The following CHRM2 variants were observed in gnomAD, a reference collection of about 807,000 sequenced individuals.
CHRM2 encodes muscarinic acetylcholine receptor M2.
Under a neutral mutation model 25.0 loss-of-function variants are expected in CHRM2, and 8 were observed. The observed-to-expected ratio is 0.32, with a 90% CI of 0.19 to 0.58. The LOEUF (loss-of-function observed/expected upper bound fraction) is 0.58, where lower values mean the gene tolerates loss of function less well. Ranked by LOEUF, CHRM2 falls within the 20% of genes least tolerant of loss-of-function variation. The pLI, the probability that CHRM2 is intolerant of heterozygous loss-of-function variation, is 0.88. For missense variants in CHRM2, 440 were observed against 567.1 expected (o/e 0.78, Z 2.28); for synonymous variants, 202 against 205.7 (o/e 0.98, Z 0.15).
At chr7:136,955,214 T>C (rs1417549251) in intron 2 of CHRM2, among the ~76,000 whole-genome samples, 1 of 152,164 alleles carries the variant, frequency 6.6e-6, no homozygotes, top group Non-Finnish European at 1.5e-5. Context: ...TCCTGACTGC[T>C]TCCTTTACTA....
chr7:136,909,916 C>T (rs1030804992), intron 2 of CHRM2, among the ~76,000 whole-genome samples: 1 of 151,804 alleles, frequency 6.6e-6, no homozygotes, highest in African/African-American at 2.4e-5. Flanking sequence ...GTATAACAAA[C>T]AATGGGTGAA....
chr7:136,901,037 A>G (rs1434904587), intron 2 of CHRM2, among the ~76,000 whole-genome samples: 1 of 152,116 alleles, frequency 6.6e-6, no homozygotes, highest in East Asian at 1.9e-4. Flanking sequence ...ATCATAGTAC[A>G]TACACAAAAA....
At chr7:136,972,130 T>C (rs553609720) in intron 2 of CHRM2, among the ~76,000 whole-genome samples, 3 of 150,358 alleles carry the variant, frequency 2.0e-5, no homozygotes, top group African/African-American at 7.3e-5. Context: ...CAGTATGCCT[T>C]TTTTTTTTTC....
At chr7:136,875,647 C>T (rs547237482) in intron 2 of CHRM2, among the ~76,000 whole-genome samples, 1 of 152,156 alleles carries the variant, frequency 6.6e-6, no homozygotes, top group Non-Finnish European at 1.5e-5. Context: ...CAAATCTGAA[C>T]ATGTCGTTCT....
chr7:136,974,077 A>G (rs539324991), intron 2 of CHRM2, among the ~76,000 whole-genome samples: 3 of 152,280 alleles, frequency 2.0e-5, no homozygotes, highest in Middle Eastern at 3.4e-3. Context: ...GTATGTGAGA[A>G]GCAATCATAA....
intron 2 of CHRM2, among the ~76,000 whole-genome samples, chr7:136,896,055 T>C (rs542247957): frequency 1.3e-5 from 2 of 152,302 alleles, no homozygotes; most frequent in South Asian, 2.1e-4. Context: ...TTTATTTGCA[T>C]ATAATGCAAA....
At chr7:136,941,182 A>G (rs192288369) in intron 2 of CHRM2, among the ~76,000 whole-genome samples, 199 of 152,312 alleles carry the variant, frequency 1.3e-3, no homozygotes, top group African/African-American at 4.4e-3. Context: ...TACCGCTGTT[A>G]TATCAGCCTC....
At chr7:136,981,732 T>C (rs188708933) in intron 2 of CHRM2, among the ~76,000 whole-genome samples, 83 of 152,214 alleles carry the variant, frequency 5.5e-4, no homozygotes, top group Non-Finnish European at 1.1e-3. Flanking sequence ...GAGTAGGTTG[T>C]TCAGTTTCCA....
In CHRM2 at chr7:136,869,798, A is replaced by C; in HGVS notation, c.-125+380A>C. 2 of 132,568 alleles carry C rather than the reference A, an allele frequency of 1.5e-5. No individual in the cohort carries two copies. The highest frequency in any genetic ancestry group is 7.3e-5 in the Admixed American group (1 of 13,606). 8.2% of individuals were successfully genotyped at this position (132,568 alleles called of 1,614,324 possible). On this transcript the variant is annotated intron_variant, in intron 2 of 3. Transcript: ENST00000680005. The surrounding 1 kb of genome is among the most constrained non-coding windows in gnomAD (Gnocchi z 4.9). ...GTTGCTGACCCCCCTCCCGCCACCC[A>C]CTCCAGATGCAGCCATGGACAAGAC...
chr7:136,968,373 A>G (rs918359406), intron 2 of CHRM2, among the ~76,000 whole-genome samples: 3 of 151,566 alleles, frequency 2.0e-5, no homozygotes, highest in Non-Finnish European at 4.4e-5. Flanking sequence ...AATAAAAAAG[A>G]TAACAACTAC....
intron 2 of CHRM2, among the ~76,000 whole-genome samples, chr7:136,901,167 G>A (rs922407761): frequency 2.6e-5 from 4 of 152,132 alleles, no homozygotes; most frequent in Admixed American, 2.0e-4. Flanking sequence ...AAGTGGAAAC[G>A]AGTGCCCTGG....
At chr7:136,948,001 G>A (rs1477090033) in intron 2 of CHRM2, among the ~76,000 whole-genome samples, 1 of 152,140 alleles carries the variant, frequency 6.6e-6, no homozygotes, top group African/African-American at 2.4e-5. Flanking sequence ...ATGACTTCTG[G>A]TGGGGCTGGG....
intron 2 of CHRM2, among the ~76,000 whole-genome samples, chr7:136,925,893 A>G (rs73445277): frequency 0.016 from 2,497 of 152,278 alleles, 67 homozygotes; most frequent in African/African-American, 0.057. Flanking sequence ...AAGTGCCTAC[A>G]ATTATTAGAT....
intron 3 of CHRM2, among the ~76,000 whole-genome samples, chr7:137,008,082 A>T (rs1416567324): frequency 6.6e-6 from 1 of 152,130 alleles, no homozygotes; most frequent in East Asian, 1.9e-4. Flanking sequence ...CAGAAAAAAA[A>T]TATAGCTGGA....
At chr7:136,934,058 A>G (rs1799271488) in intron 2 of CHRM2, among the ~76,000 whole-genome samples, 1 of 152,182 alleles carries the variant, frequency 6.6e-6, no homozygotes, top group African/African-American at 2.4e-5. Flanking sequence ...GAAATCAATG[A>G]GTTGTAGATA....
intron 3 of CHRM2, among the ~76,000 whole-genome samples, chr7:137,013,794 A>C (rs577693675): frequency 9.1e-4 from 138 of 152,156 alleles, no homozygotes; most frequent in African/African-American, 3.2e-3. Context: ...CACCAGGCAG[A>C]GACCTTGTTT....
chr7:136,917,686 T>A (rs1798198978), intron 2 of CHRM2, among the ~76,000 whole-genome samples: 1 of 151,942 alleles, frequency 6.6e-6, no homozygotes, highest in Middle Eastern at 3.2e-3. Context: ...AATATCACCA[T>A]CTCCCCAGAA....
At chr7:136,875,255 G>A (rs1796009663) in intron 2 of CHRM2, among the ~76,000 whole-genome samples, 1 of 151,596 alleles carries the variant, frequency 6.6e-6, no homozygotes, top group Non-Finnish European at 1.5e-5. Flanking sequence ...AGAAAGAGTG[G>A]AGGTATTTGT....
intron 2 of CHRM2, among the ~76,000 whole-genome samples, chr7:136,972,031 T>A (rs1469092936): frequency 6.6e-6 from 1 of 152,210 alleles, no homozygotes; most frequent in Non-Finnish European, 1.5e-5. Context: ...TTTCACTGTC[T>A]GACTGTCTTG....
Sources: gnomAD v4.1 joint callset for allele counts (sites outside exome capture counted in the v4.1 genomes callset) on GRCh38, gnomAD v4.1.1 for gene constraint, Gnocchi (gnomAD v3.1) non-coding constraint, MANE v1.5 for transcripts, NCBI Gene and HGNC (gene_info 2026-07-23, HGNC 2026-07-21) for gene names.